NTN1: variants seen among roughly 807,000 people sequenced by gnomAD.
NTN1 encodes netrin 1, also known as netrin-1.
A neutral mutation model predicts 54.2 loss-of-function variants in NTN1; 11 were observed. That is an observed-to-expected ratio of 0.20 (90% CI 0.13 to 0.34). NTN1 has a LOEUF of 0.34. Among genes scored for constraint, NTN1 ranks in the 10% least tolerant of loss-of-function variants. The probability of loss-of-function intolerance (pLI) is 1.00; values close to 1 mark genes in which losing one functional copy is unlikely to be tolerated. For missense variants in NTN1, 740 were observed against 893.1 expected, an observed-to-expected ratio of 0.83 and a Z score of 2.18; for synonymous variants, 371 against 382.0, an observed-to-expected ratio of 0.97 and a Z score of 0.33.
At chr17:9,007,124 C>CTCTT in the NTN1 span, among the ~76,000 whole-genome samples, 3 of 152,096 alleles carry the variant, frequency 2.0e-5, no homozygotes, top group East Asian at 1.9e-4. Flanking sequence ...TTTTTTCTCT[C>CTCTT]TCTTTCTTTC....
chr17:9,008,636 T>C, the NTN1 span, among the ~76,000 whole-genome samples: 1 of 152,218 alleles, frequency 6.6e-6, no homozygotes, highest in Non-Finnish European at 1.5e-5. Context: ...TCTATGCAAC[T>C]TTATGAAAAT....
chr17:9,022,225 G>A (rs2091851831), intron 1 of NTN1, 86 bp from the exon 2 acceptor site: 2 of 892,446 alleles, frequency 2.2e-6, no homozygotes, highest in Non-Finnish European at 2.9e-6. Context: ...GAAGCCGGGC[G>A]TTCTCCCGCA....
At chr17:9,035,187 C>T (rs971641258) in intron 2 of NTN1, among the ~76,000 whole-genome samples, 1 of 152,110 alleles carries the variant, frequency 6.6e-6, no homozygotes, top group South Asian at 2.1e-4. Context: ...ACCTTGTGAT[C>T]CGCCCGCCTC....
chr17:9,048,522 T>C (rs886434682), intron 2 of NTN1, among the ~76,000 whole-genome samples: 2 of 152,212 alleles, frequency 1.3e-5, no homozygotes, highest in Non-Finnish European at 2.9e-5. Context: ...TCACCTGCTG[T>C]ATTAGCCCCT....
Position 9,162,905 on chromosome 17 carries a change from T to C in NTN1, c.1111T>C (p.Cys371Arg). The C allele has an allele frequency of 6.2e-7, 1 of 1,613,766 alleles. No homozygotes were observed. Among genetic ancestry groups the C allele is most frequent in the Non-Finnish European group, 8.5e-7 (1 of 1,179,898 alleles). ...CAAGAGCGGAGGTGTCTGCCTCAAC[T>C]GTCGCCACAACACCGCCGGCCGCCA... The part of the protein sequence containing the change: ...GRKSGGVCLN[C>R]RHNTAGRHCH... Residue 371 changes from cysteine (C) to arginine (R), a missense_variant, in exon 3 of 7, where the codon TGT becomes CGT. Physicochemically the swap from Cys to Arg is radical, Grantham distance 180. Coordinates refer to ENST00000173229, the MANE Select transcript of NTN1 (RefSeq NM_004822.3).
intron 2 of NTN1, among the ~76,000 whole-genome samples, chr17:9,054,275 G>A (rs939894378): frequency 2.0e-5 from 3 of 152,158 alleles, no homozygotes; most frequent in African/African-American, 7.2e-5. Context: ...GTGGATCCCC[G>A]AAGAGCCGAG....
At chr17:9,046,900 A>G (rs2091943044) in intron 2 of NTN1, among the ~76,000 whole-genome samples, 1 of 152,232 alleles carries the variant, frequency 6.6e-6, no homozygotes, top group African/African-American at 2.4e-5. Flanking sequence ...CCTTACAGAT[A>G]TTATAGGTTC....
intron 2 of NTN1, among the ~76,000 whole-genome samples, chr17:9,144,918 A>G (rs1320118593): frequency 6.6e-6 from 1 of 152,112 alleles, no homozygotes; most frequent in Non-Finnish European, 1.5e-5. Context: ...GACCCCCTGG[A>G]GAGGCACACT....
At chr17:9,126,244 C>T (rs1166079742) in intron 2 of NTN1, among the ~76,000 whole-genome samples, 2 of 152,272 alleles carry the variant, frequency 1.3e-5, no homozygotes, top group Admixed American at 6.5e-5. Context: ...CGTGATGGCT[C>T]ACGCCTGTAA....
At chr17:9,194,415 C>A (rs530160462) in intron 5 of NTN1, among the ~76,000 whole-genome samples, 3 of 152,192 alleles carry the variant, frequency 2.0e-5, no homozygotes, top group Non-Finnish European at 4.4e-5. Flanking sequence ...GGCACTGCCA[C>A]GTCCAGTCCT....
chr17:9,031,893 C>T (rs1030748221), intron 2 of NTN1, among the ~76,000 whole-genome samples: 5 of 151,550 alleles, frequency 3.3e-5, no homozygotes, highest in East Asian at 1.9e-4. Flanking sequence ...CCCGGGAGGC[C>T]GAGATTGCAA....
At chr17:9,188,434 A>G (rs1223094415) in intron 5 of NTN1, among the ~76,000 whole-genome samples, 1 of 82,734 alleles carries the variant, frequency 1.2e-5, no homozygotes, top group Non-Finnish European at 2.4e-5. Flanking sequence ...ATCTCAAAAA[A>G]AAAAAAAAAG....
chr17:9,226,424 TCTC>T (rs1905553353), intron 6 of NTN1, among the ~76,000 whole-genome samples: 1 of 104,248 alleles, frequency 9.6e-6, no homozygotes, highest in Non-Finnish European at 1.8e-5. Context: ...GGGGAGGCGG[TCTC>T]GTGGGGAGGC....
At chr17:9,075,351 G>A (rs2092045884) in intron 2 of NTN1, among the ~76,000 whole-genome samples, 1 of 151,940 alleles carries the variant, frequency 6.6e-6, no homozygotes, top group African/African-American at 2.4e-5. Flanking sequence ...GCATGGCGGT[G>A]GGCACCTGTA....
chr17:9,018,895 C>G (rs528827742), upstream of NTN1, among the ~76,000 whole-genome samples: 3 of 152,192 alleles, frequency 2.0e-5, no homozygotes, highest in Non-Finnish European at 4.4e-5. Context: ...TTGTCAGGGA[C>G]GTTTGCTCAT....
chr17:9,023,116 G>T lies in NTN1; in HGVS notation c.743G>T (p.Arg248Leu), dbSNP rs1437308979. ...GACTGGGTCACGGCCACAGACATCCGCGTGGCCTTCAGCCGCCTGCACACG... is the reference window on the plus strand; with the variant it reads ...GACTGGGTCACGGCCACAGACATCCTCGTGGCCTTCAGCCGCCTGCACACG... ...LQDWVTATDIRVAFSRLHTFG... is the reference protein window; with the variant it reads ...LQDWVTATDILVAFSRLHTFG... Residue 248 changes from arginine to leucine, a missense_variant, in exon 2 of 7, where the codon CGC becomes CTC. Physicochemically the swap from Arg to Leu is moderately radical, Grantham distance 102 (BLOSUM62 -2). Transcript: ENST00000173229. The T allele has an allele frequency of 4.5e-6, 7 of 1,566,576 alleles. No individual in the cohort carries two copies. Among genetic ancestry groups the T allele is most frequent in the South Asian group, 1.2e-5 (1 of 85,960 alleles).
At chr17:9,210,764 TGC>T (rs1261897278) in intron 5 of NTN1, among the ~76,000 whole-genome samples, 3 of 151,786 alleles carry the variant, frequency 2.0e-5, no homozygotes, top group Admixed American at 1.3e-4. Flanking sequence ...AAATTAGCTG[TGC>T]ATGATGGCAG....
intron 2 of NTN1, among the ~76,000 whole-genome samples, chr17:9,090,640 T>C (rs940926201): frequency 6.6e-6 from 1 of 152,116 alleles, no homozygotes; most frequent in Admixed American, 6.6e-5. Flanking sequence ...GAGACCTTGC[T>C]AAGGCTGGCT....
chr17:9,109,360 T>G (rs1352185201), intron 2 of NTN1, among the ~76,000 whole-genome samples: 1 of 152,198 alleles, frequency 6.6e-6, no homozygotes, highest in Admixed American at 6.5e-5. Context: ...CAATACAGAG[T>G]GTTGTCTGTG....
Sources: allele counts gnomAD v4.1 joint callset (sites outside exome capture counted in the v4.1 genomes callset), GRCh38; gene constraint gnomAD v4.1.1; transcripts MANE v1.5; gene names NCBI Gene and HGNC (gene_info 2026-07-23, HGNC 2026-07-21).